ELAC2: variants seen among roughly 807,000 people sequenced by gnomAD.
ELAC2 encodes elaC ribonuclease Z 2.
Under a neutral mutation model 105.2 loss-of-function variants are expected in ELAC2, and 92 were observed. The observed-to-expected ratio is 0.87, with a 90% CI of 0.74 to 1.04. The LOEUF (loss-of-function observed/expected upper bound fraction) is 1.04. Ranked by LOEUF, ELAC2 falls within the 50% of genes least tolerant of loss-of-function variation. ELAC2 has a pLI of 0.00. For synonymous variants in ELAC2, 468 were observed against 409.1 expected, an observed-to-expected ratio of 1.14 and a Z score of -1.74; for missense variants, 1,099 against 1,071.7, an observed-to-expected ratio of 1.03 and a Z score of -0.36.
At chr17:13,006,907 G>A (rs1433673202) in intron 8 of ELAC2, among the ~76,000 whole-genome samples, 1 of 151,980 alleles carries the variant, frequency 6.6e-6, no homozygotes, top group African/African-American at 2.4e-5. Flanking sequence ...AGATCATGAG[G>A]TCAGGAGATC....
Position 13,017,745 on chromosome 17 carries a change from CG to C in ELAC2, c.202del (p.Arg68GlyfsTer33). On this transcript the variant is annotated frameshift_variant, in exon 1 of 24. Transcript: ENST00000338034. LOFTEE classifies it high-confidence loss of function. ...VYLQVVAAGS[R>X]DSGAALYVFS... ...GACGTAGAGCGCGGCGCCCGAGTCCCGGCTACCCGCTGCCACCACCTGCAGG... is the reference window on the plus strand; with the variant it reads ...GACGTAGAGCGCGGCGCCCGAGTCCCGCTACCCGCTGCCACCACCTGCAGG... 6.2e-7 allele frequency: 1 copy of C among 1,611,782 alleles called. No individual in the cohort carries two copies. Among genetic ancestry groups the C allele is most frequent in the Non-Finnish European group, 8.5e-7 (1 of 1,179,508 alleles).
intron 11 of ELAC2, 42 bp downstream of exon 11, chr17:13,004,947 G>C (rs1485615890): frequency 1.2e-5 from 17 of 1,475,468 alleles, no homozygotes; most frequent in Non-Finnish European, 1.5e-5. Flanking sequence ...GCTGGGCTGG[G>C]TTTCAGCTCT....
At chr17:13,000,837 G>T in intron 14 of ELAC2, 1 of 171,596 alleles carries the variant, frequency 5.8e-6, no homozygotes, top group Non-Finnish European at 1.3e-5. Context: ...CAACCTCGCT[G>T]AGCATTAAAA....
Position 13,017,978 on chromosome 17 carries a change from G to T in ELAC2, c.-31C>A. On this transcript the variant is annotated 5_prime_UTR_variant, in exon 1 of 24. Coordinates refer to ENST00000338034, the MANE Select transcript of ELAC2 (RefSeq NM_018127.7). ...CGTCTCCACCAAAACTGAGAAAGCCGCCGGTCACCTACGCCCGCGTTTCCC... is the reference window on the plus strand; with the variant it reads ...CGTCTCCACCAAAACTGAGAAAGCCTCCGGTCACCTACGCCCGCGTTTCCC... The T allele has an allele frequency of 6.5e-7, 1 of 1,534,454 alleles. No homozygotes were observed. Among genetic ancestry groups the T allele is most frequent in the Non-Finnish European group, 8.7e-7 (1 of 1,146,570 alleles).
intron 6 of ELAC2, among the ~76,000 whole-genome samples, chr17:13,012,613 C>G (rs771359473): frequency 6.6e-6 from 1 of 152,198 alleles, no homozygotes; most frequent in African/African-American, 2.4e-5. Flanking sequence ...TGTCACCCAT[C>G]AGCACTACTT....
chr17:12,992,788 A>T lies in ELAC2; in HGVS notation c.*30T>A. ...TGCGTGCGTGGGGCAGAAGACACAC[A>T]GCCTTCTGAGTTCAGGGTCTCCCAG... On this transcript the variant is annotated 3_prime_UTR_variant, in exon 24 of 24. Coordinates refer to ENST00000338034, the MANE Select transcript of ELAC2 (RefSeq NM_018127.7). 6.2e-7 allele frequency: 1 copy of T among 1,607,050 alleles called. No homozygotes were observed. The highest frequency in any genetic ancestry group is 8.5e-7 in the Non-Finnish European group (1 of 1,174,054).
Position 12,994,903 on chromosome 17 carries a change from AG to A in ELAC2, c.1909-20del. ...TCTGAAACTGAAAGGGTGGGGCTGG[AG>A]GGCTCTGCAGCTCTGCTCCCCACCT... On this transcript the variant is annotated intron_variant, in intron 20 of 23. Coordinates refer to ENST00000338034, the MANE Select transcript of ELAC2 (RefSeq NM_018127.7). 1.9e-6 allele frequency: 3 copies of A among 1,614,088 alleles called. No individual in the cohort carries two copies. Among genetic ancestry groups the A allele is most frequent in the Non-Finnish European group, 2.5e-6 (3 of 1,180,030 alleles).
chr17:13,005,785 C>T lies in ELAC2; in HGVS notation c.838G>A (p.Asp280Asn), dbSNP rs953161128. Reference sequence around the variant, plus strand: ...CCTTCATGAGTGATGCTTTTCCCGTCCTTGACAGCAGCAATGATGGGAGCG... The same window carrying T: ...CCTTCATGAGTGATGCTTTTCCCGTTCTTGACAGCAGCAATGATGGGAGCG... ...AIAPIIAAVK[D>N]GKSITHEGRE... The change falls in exon 10 of 24, where the codon GAC becomes AAC. Residue 280 changes from aspartate (D) to asparagine (N), a missense_variant. Coordinates refer to ENST00000338034, the MANE Select transcript of ELAC2 (RefSeq NM_018127.7). The T allele has an allele frequency of 5.6e-6, 9 of 1,614,156 alleles. No homozygotes were observed. Among genetic ancestry groups the T allele is most frequent in the Non-Finnish European group, 7.6e-6 (9 of 1,180,034 alleles).
rs1463295208 is a variant in ELAC2 at position 12,992,748 on chromosome 17, G to A, written c.*70C>T. On this transcript the variant is annotated 3_prime_UTR_variant, in exon 24 of 24. Coordinates refer to ENST00000338034, the MANE Select transcript of ELAC2 (RefSeq NM_018127.7). ...GTGCTCTTCAGCTTCTACCAGCAAG[G>A]AGGGCAGATACGGGTGCGTGCGTGG... 16 of 1,571,824 alleles carry A rather than the reference G, an allele frequency of 1.0e-5. No homozygotes were observed. The highest frequency in any genetic ancestry group is 1.4e-5 in the African/African-American group (1 of 73,960).
chr17:12,995,652 G>A, intron 19 of ELAC2, 51 bp downstream of exon 19: 1 of 1,540,352 alleles, frequency 6.5e-7, no homozygotes, highest in Non-Finnish European at 8.8e-7. Context: ...GCTTCTGAAG[G>A]AGACGGCAGC....
At chr17:12,997,574 C>T (rs1299166042) in intron 16 of ELAC2, among the ~76,000 whole-genome samples, 1 of 152,098 alleles carries the variant, frequency 6.6e-6, no homozygotes, top group Non-Finnish European at 1.5e-5. Context: ...TCTCAGCCCC[C>T]GGGAGAGGCC....
chr17:12,998,588 G>C lies in ELAC2; in HGVS notation c.1424-80C>G, dbSNP rs893984455. On this transcript the variant is annotated intron_variant, in intron 15 of 23. Coordinates refer to ENST00000338034, the MANE Select transcript of ELAC2 (RefSeq NM_018127.7). Reference sequence around the variant, plus strand: ...CATGCAGCCATGAGAAGGTGCAATGGTTTGAGTGTCATTGGTTTGTCCCCA... The same window carrying C: ...CATGCAGCCATGAGAAGGTGCAATGCTTTGAGTGTCATTGGTTTGTCCCCA... The C allele has an allele frequency of 1.7e-5, 22 of 1,304,992 alleles. No homozygotes were observed. In the African/African-American group the frequency reaches 1.9e-4, roughly 11 times the overall value. The allele number at this position is 1,304,992 out of a possible 1,614,324, so 80.8% of individuals were successfully genotyped here.
chr17:12,995,610 G>C, intron 19 of ELAC2, 93 bp downstream of exon 19: 1 of 1,232,330 alleles, frequency 8.1e-7, no homozygotes, highest in Non-Finnish European at 1.2e-6. Flanking sequence ...GCTGCTGGGG[G>C]ATATTGGTAA....
At chr17:12,997,146 A>G (rs2040516949) in intron 16 of ELAC2, among the ~76,000 whole-genome samples, 1 of 152,046 alleles carries the variant, frequency 6.6e-6, no homozygotes, top group African/African-American at 2.4e-5. Flanking sequence ...CATGTCCTCA[A>G]AGACACCTGG....
intron 22 of ELAC2, 113 bp from the exon 23 acceptor site, chr17:12,993,944 G>T: frequency 6.6e-7 from 1 of 1,516,854 alleles, no homozygotes; most frequent in Non-Finnish European, 9.0e-7. Flanking sequence ...AAGCTGGTGG[G>T]TTTTCTTAAC....
intron 11 of ELAC2, 63 bp from the exon 12 acceptor site, chr17:13,003,637 A>T (rs2040947602): frequency 1.4e-6 from 2 of 1,480,206 alleles, no homozygotes; most frequent in African/African-American, 2.8e-5. Context: ...GACAGGGACC[A>T]CGCAGCCAGG....
At position 13,013,896 on chromosome 17, in the gene ELAC2, G is replaced by A. The variant is rs114703385; in HGVS notation, c.490+543C>T. Among the ~76,000 whole-genome samples the A allele has an allele frequency of 8.1e-3, 1,237 of 152,294 alleles. 14 individuals carry two copies. The highest frequency in any genetic ancestry group is 0.026 in the African/African-American group (1,079 of 41,560). On this transcript the variant is annotated intron_variant, in intron 5 of 23. Coordinates refer to ENST00000338034, the MANE Select transcript of ELAC2 (RefSeq NM_018127.7). Reference sequence around the variant, plus strand: ...CTGGAACTGAGGCAGGAGCCCTGCCGTCTGGATGGAGAATGCCACACAGCA... The same window carrying A: ...CTGGAACTGAGGCAGGAGCCCTGCCATCTGGATGGAGAATGCCACACAGCA...
chr17:12,993,637 C>T, intron 23 of ELAC2, 50 bp downstream of exon 23: 1 of 1,613,164 alleles, frequency 6.2e-7, no homozygotes, highest in Non-Finnish European at 8.5e-7. Context: ...GTGTAGAGTC[C>T]TGTCTCCCTG....
intron 19 of ELAC2, among the ~76,000 whole-genome samples, 181 bp from the exon 20 acceptor site, chr17:12,995,243 C>T (rs1051200361): frequency 6.6e-6 from 1 of 152,180 alleles, no homozygotes; most frequent in Admixed American, 6.5e-5. Flanking sequence ...AGCCTCTAGG[C>T]CACTGGGAGA....
Sources: allele counts gnomAD v4.1 joint callset (sites outside exome capture counted in the v4.1 genomes callset), GRCh38; gene constraint gnomAD v4.1.1; transcripts MANE v1.5; gene names NCBI Gene and HGNC (gene_info 2026-07-23, HGNC 2026-07-21).